Variants in MEGF8 observed in about 807,000 individuals in gnomAD.
MEGF8 encodes multiple epidermal growth factor-like domains protein 8.
Under a neutral mutation model 302.9 loss-of-function variants are expected in MEGF8, and 156 were observed. The observed-to-expected ratio is 0.52, with a 90% CI of 0.45 to 0.59. MEGF8 has a LOEUF of 0.59. MEGF8 is among the 20% of genes least tolerant of loss of function. MEGF8 has a pLI of 0.00. For missense variants in MEGF8, 3,345 were observed against 3,964.5 expected, an observed-to-expected ratio of 0.84 and a Z score of 4.20; for synonymous variants, 1,621 against 1,660.5, an observed-to-expected ratio of 0.98 and a Z score of 0.58.
chr19:42,368,361 G>C lies in MEGF8; in HGVS notation c.6274-94G>C. ...CAGGGAGGGGTGAGACCTCAAAGAG[G>C]GTGTGGTCTGGGAAGATACCCAGAA... On this transcript the variant is annotated intron_variant, in intron 35 of 41. Transcript: ENST00000251268. The surrounding 1 kb of genome is among the most constrained non-coding windows in gnomAD (Gnocchi z 4.9). The C allele has an allele frequency of 9.0e-7, 1 of 1,115,676 alleles. No individual in the cohort carries two copies. The highest frequency in any genetic ancestry group is 1.6e-5 in the African/African-American group (1 of 63,706). The allele number at this position is 1,115,676 out of a possible 1,614,324, so 69.1% of individuals were successfully genotyped here.
intron 1 of MEGF8, among the ~76,000 whole-genome samples, chr19:42,329,270 G>A (rs1188827952): frequency 6.6e-6 from 1 of 152,190 alleles, no homozygotes; most frequent in Non-Finnish European, 1.5e-5. Flanking sequence ...GAGGTTTTGA[G>A]CAGGAGTAGG....
chr19:42,362,486 C>T lies in MEGF8; in HGVS notation c.5947C>T (p.Arg1983Ter), dbSNP rs756134457. Residue 1983 changes from arginine (R) to a stop codon, truncating the protein, a stop_gained, in exon 34 of 42, where the codon CGA (arginine) becomes TGA (stop). Transcript: ENST00000251268. LOFTEE classifies it high-confidence loss of function. ...TGAGAATGACTGTCGGATCAACCAGCGAGAGGTCTTCTGGGCAGGGAACTG... is the reference window on the plus strand; with the variant it reads ...TGAGAATGACTGTCGGATCAACCAGTGAGAGGTCTTCTGGGCAGGGAACTG... Reference protein sequence around the residue: ...TSENDCRINQREVFWAGNCSE... With the variant: ...TSENDCRINQ 4 of 1,613,952 alleles carry T rather than the reference C, an allele frequency of 2.5e-6. No homozygotes were observed. Among genetic ancestry groups the T allele is most frequent in the East Asian group, 2.2e-5 (1 of 44,880 alleles).
rs749030562 is a variant in MEGF8, at chr19:42,376,513, C to T, written c.8276C>T (p.Thr2759Ile). ...TGCTGCCCACCAGCCATCCCCGCCA[C>T]CACTGCTGGGCTGCGAGCTGGGCCC... ...GGCCPPAIPATTAGLRAGPIT... is the reference protein window; with the variant it reads ...GGCCPPAIPAITAGLRAGPIT... Residue 2759 changes from threonine to isoleucine, a missense_variant, in exon 42 of 42, where the codon ACC becomes ATC. Coordinates refer to ENST00000251268, the MANE Select transcript of MEGF8 (RefSeq NM_001271938.2). This position sits in a 1 kb window ranked among gnomAD's most constrained non-coding sequence, Gnocchi z 8.2. The T allele has an allele frequency of 8.2e-6, 13 of 1,581,256 alleles. No homozygotes were observed. In the African/African-American group the frequency reaches 1.1e-4, roughly 13 times the overall value.
intron 12 of MEGF8, among the ~76,000 whole-genome samples, chr19:42,345,040 C>A (rs549769944): frequency 6.6e-6 from 1 of 152,282 alleles, no homozygotes; most frequent in South Asian, 2.1e-4. Context: ...GGCGCAGTCT[C>A]AGCTCACTGC....
Position 42,335,204 on chromosome 19 carries a change from C to T in MEGF8, c.728C>T (p.Ala243Val). The change falls in exon 4 of 42, where the codon GCA becomes GTA. Residue 243 changes from alanine (A) to valine (V), a missense_variant. Ala to Val is a moderately conservative substitution (Grantham distance 64). Coordinates refer to ENST00000251268, the MANE Select transcript of MEGF8 (RefSeq NM_001271938.2). ...GAFLSPPGLL[A>V]VFGGQDLNNA... ...TTCCTGTCCCCACCAGGGCTGCTGG[C>T]AGTTTTCGGAGGTGAGCAGATGGGG... 3 of 1,614,008 alleles carry T rather than the reference C, an allele frequency of 1.9e-6. No homozygotes were observed. The highest frequency in any genetic ancestry group is 2.5e-6 in the Non-Finnish European group (3 of 1,179,892).
chr19:42,363,354 T>A, intron 35 of MEGF8, 92 bp downstream of exon 35: 2 of 1,038,090 alleles, frequency 1.9e-6, no homozygotes, highest in Non-Finnish European at 1.4e-6. Context: ...CACCATCTCC[T>A]CCACCCTCCT....
intron 35 of MEGF8, among the ~76,000 whole-genome samples, chr19:42,365,254 C>T (rs1198711827): frequency 1.3e-5 from 2 of 152,036 alleles, no homozygotes; most frequent in Admixed American, 1.3e-4. Flanking sequence ...ATGCGCTGTT[C>T]CCCCAGCCTC....
chr19:42,353,954 C>T lies in MEGF8; in HGVS notation c.3941C>T (p.Pro1314Leu), dbSNP rs764610687. The T allele has an allele frequency of 6.3e-7, 1 of 1,583,340 alleles. No individual in the cohort carries two copies. Among genetic ancestry groups the T allele is most frequent in the South Asian group, 1.2e-5 (1 of 86,696 alleles). Reference protein sequence around the residue: ...WVVSATEELQPCAPGTLCPPL... With the variant: ...WVVSATEELQLCAPGTLCPPL... ...GTCTCGGCCACTGAGGAGCTACAGC[C>T]CTGTGCTCCCGGGACCCTCTGTCCC... The change falls in exon 22 of 42, where the codon CCC (proline) becomes CTC (leucine). Residue 1314 changes from proline to leucine, a missense_variant. By Grantham distance (98) the Pro-to-Leu change is moderately conservative. Transcript: ENST00000251268. This position sits in a 1 kb window ranked among gnomAD's most constrained non-coding sequence, Gnocchi z 6.1.
chr19:42,370,435 G>C (rs1445021031), intron 39 of MEGF8, 76 bp downstream of exon 39: 12 of 1,315,810 alleles, frequency 9.1e-6, no homozygotes, highest in Admixed American at 6.4e-5. Flanking sequence ...GGAGGAGGGG[G>C]CTGGAGACCT....
At position 42,376,404 on chromosome 19, in the gene MEGF8, C is replaced by T; in HGVS notation, c.8167C>T (p.Pro2723Ser). Residue 2723 changes from proline (P) to serine (S), a missense_variant, in exon 42 of 42, where the codon CCC (proline) becomes TCC (serine). Transcript: ENST00000251268. This position sits in a 1 kb window ranked among gnomAD's most constrained non-coding sequence, Gnocchi z 8.2. ...CTGGAAGCCGGCTGGGCTCCCACCT[C>T]CCGCCTTCCGCCGCTCTGAGCCCTT... ...SAWKPAGLPP[P>S]AFRRSEPFLA... The T allele has an allele frequency of 6.2e-7, 1 of 1,612,800 alleles. No homozygotes were observed. Among genetic ancestry groups the T allele is most frequent in the East Asian group, 2.2e-5 (1 of 44,870 alleles).
Position 42,355,998 on chromosome 19 carries a change from G to A in MEGF8, c.4385G>A (p.Cys1462Tyr). Residue 1462 changes from cysteine to tyrosine, a missense_variant, in exon 24 of 42, where the codon TGT (cysteine) becomes TAT (tyrosine). Coordinates refer to ENST00000251268, the MANE Select transcript of MEGF8 (RefSeq NM_001271938.2). Reference protein sequence around the residue: ...NCNAHTGAGTCNQSLGVCICA... With the variant: ...NCNAHTGAGTYNQSLGVCICA... ...AATGCCCACACTGGGGCAGGAACTTGTAACCAGGTACAGGTGGGAGAGGGC... is the reference window on the plus strand; with the variant it reads ...AATGCCCACACTGGGGCAGGAACTTATAACCAGGTACAGGTGGGAGAGGGC... The A allele has an allele frequency of 6.2e-7, 1 of 1,611,378 alleles. No individual in the cohort carries two copies. Among genetic ancestry groups the A allele is most frequent in the Non-Finnish European group, 8.5e-7 (1 of 1,178,380 alleles).
intron 5 of MEGF8, 146 bp downstream of exon 5, chr19:42,335,531 C>T: frequency 1.4e-6 from 1 of 705,230 alleles, no homozygotes; most frequent in Non-Finnish European, 2.4e-6. Context: ...TCTGCCTTTT[C>T]TCTCCGGTTT....
chr19:42,361,168 C>T (rs764101422), intron 32 of MEGF8, among the ~76,000 whole-genome samples, 162 bp downstream of exon 32: 4 of 152,198 alleles, frequency 2.6e-5, no homozygotes, highest in Non-Finnish European at 5.9e-5. Flanking sequence ...AGTGGGGATC[C>T]CTGCCTGGGA....
At chr19:42,372,462 C>T (rs914899068) in intron 41 of MEGF8, among the ~76,000 whole-genome samples, 3 of 152,044 alleles carry the variant, frequency 2.0e-5, no homozygotes, top group Non-Finnish European at 2.9e-5. Flanking sequence ...GGACAACTCC[C>T]GCCACCTCCC....
Position 42,336,935 on chromosome 19 carries a change from A to G in MEGF8, c.1373A>G (p.Asn458Ser). 6.2e-7 allele frequency: 1 copy of G among 1,613,864 alleles called. No homozygotes were observed. The highest frequency in any genetic ancestry group is 2.2e-5 in the East Asian group (1 of 44,880). The change falls in exon 7 of 42, where the codon AAT becomes AGT. Residue 458 changes from asparagine (N) to serine (S), a missense_variant. Asn to Ser is a conservative substitution (Grantham distance 46, BLOSUM62 1). Coordinates refer to ENST00000251268, the MANE Select transcript of MEGF8 (RefSeq NM_001271938.2). This position sits in a 1 kb window ranked among gnomAD's most constrained non-coding sequence, Gnocchi z 4.8. ...TTCCACACAGCCAGTGTTCTGGGCA[A>G]TTACATGGTGGTCTATGGTGAGGAG... ...RAFHTASVLG[N>S]YMVVYGGNVH...
In MEGF8 at chr19:42,375,524, A is replaced by G. The variant is rs2039753375; in HGVS notation, c.7287A>G (p.Glu2429=). 1 of 1,586,612 alleles carries G rather than the reference A, an allele frequency of 6.3e-7. No homozygotes were observed. The highest frequency in any genetic ancestry group is 1.1e-5 in the South Asian group (1 of 87,014). The part of the protein sequence containing the change: ...CYKYQCAKCR[E]SFHGSPLGGQ... Reference sequence around the variant, plus strand: ...GCCCGCAGTGCGCCAAGTGCCGGGAATCATTTCACGGGAGTCCGCTGGGCG... The same window carrying G: ...GCCCGCAGTGCGCCAAGTGCCGGGAGTCATTTCACGGGAGTCCGCTGGGCG... Residue 2429 remains glutamate, a synonymous_variant, in exon 42 of 42, where the codon GAA becomes GAG. Coordinates refer to ENST00000251268, the MANE Select transcript of MEGF8 (RefSeq NM_001271938.2). This position sits in a 1 kb window ranked among gnomAD's most constrained non-coding sequence, Gnocchi z 7.1.
chr19:42,368,827 A>G lies in MEGF8; in HGVS notation c.6482-16A>G, dbSNP rs377527175. 4.1e-4 allele frequency: 660 copies of G among 1,611,580 alleles called. 4 individuals are homozygous for G. In the South Asian group the frequency reaches 5.0e-3, roughly 12 times the overall value. The stretch of plus-strand genomic sequence containing the variant: ...GGTACAGAGGTCCAGGTAAAATGCT[A>G]TATCCCCGGTGCTAGGGCTGACATG... On this transcript the variant is annotated splice_polypyrimidine_tract_variant and intron_variant, in intron 36 of 41. Transcript: ENST00000251268. The surrounding 1 kb of genome is among the most constrained non-coding windows in gnomAD (Gnocchi z 4.9).
intron 41 of MEGF8, among the ~76,000 whole-genome samples, chr19:42,373,640 C>T (rs1363302427): frequency 1.3e-5 from 2 of 151,550 alleles, no homozygotes; most frequent in African/African-American, 2.4e-5. Context: ...AAGCAATCCA[C>T]TCACCTTGGC....
At chr19:42,335,652 G>A (rs1293526524) in intron 5 of MEGF8, among the ~76,000 whole-genome samples, 1 of 152,100 alleles carries the variant, frequency 6.6e-6, no homozygotes, top group East Asian at 1.9e-4. Flanking sequence ...TTGGGCTTCT[G>A]TGTTCTCTGT....
Sources: gnomAD v4.1 joint callset for allele counts (sites outside exome capture counted in the v4.1 genomes callset) on GRCh38, gnomAD v4.1.1 for gene constraint, Gnocchi (gnomAD v3.1) non-coding constraint, MANE v1.5 for transcripts, NCBI Gene and HGNC (gene_info 2026-07-23, HGNC 2026-07-21) for gene names.